COP1: variants seen among roughly 807,000 people sequenced by gnomAD.
COP1 encodes E3 ubiquitin-protein ligase COP1.
COP1 carries 24 observed loss-of-function variants against 101.3 expected under a neutral mutation model. The observed-to-expected ratio is 0.24, with a 90% CI of 0.17 to 0.33. The LOEUF (loss-of-function observed/expected upper bound fraction) is 0.33. Ranked by LOEUF, COP1 falls within the 10% of genes least tolerant of loss-of-function variation. The pLI is 1.00. For synonymous variants in COP1, 347 were observed against 341.9 expected (o/e 1.01, Z -0.17); for missense variants, 663 against 906.2 (o/e 0.73, Z 3.45).
intron 3 of COP1, 105 bp from the exon 4 acceptor site, chr1:176,163,996 T>C: frequency 1.6e-6 from 1 of 608,812 alleles, no homozygotes; most frequent in Non-Finnish European, 2.8e-6. Flanking sequence ...ATACATAGCC[T>C]CCAAATTCAA....
intron 18 of COP1, among the ~76,000 whole-genome samples, chr1:175,963,216 A>G (rs1651597502): frequency 6.6e-6 from 1 of 152,066 alleles, no homozygotes; most frequent in Non-Finnish European, 1.5e-5. Context: ...GGCTTTAGGC[A>G]TTTAATGCCT....
At chr1:176,006,214 C>T (rs1663162924) in intron 15 of COP1, among the ~76,000 whole-genome samples, 1 of 152,022 alleles carries the variant, frequency 6.6e-6, no homozygotes, top group Non-Finnish European at 1.5e-5. Flanking sequence ...GATCTTCCTC[C>T]ATCCTTTTAT....
At chr1:176,188,902 G>A (rs1431912698) in intron 1 of COP1, among the ~76,000 whole-genome samples, 1 of 151,780 alleles carries the variant, frequency 6.6e-6, no homozygotes, top group East Asian at 1.9e-4. Flanking sequence ...TATGTGAAAT[G>A]TTCTAACATA....
chr1:175,948,771 T>C (rs1649486745), intron 18 of COP1, among the ~76,000 whole-genome samples: 1 of 152,250 alleles, frequency 6.6e-6, no homozygotes, highest in East Asian at 1.9e-4. Flanking sequence ...GCATCAAAGA[T>C]TATAGGTGTA....
chr1:176,024,564 C>T (rs966208058), intron 15 of COP1, among the ~76,000 whole-genome samples: 8 of 152,224 alleles, frequency 5.3e-5, no homozygotes, highest in African/African-American at 9.6e-5. Flanking sequence ...ACGCTCTTCA[C>T]GTATGATAAA....
At chr1:176,126,414 T>C (rs1005159536) in intron 8 of COP1, among the ~76,000 whole-genome samples, 3 of 152,196 alleles carry the variant, frequency 2.0e-5, no homozygotes, top group African/African-American at 7.2e-5. Context: ...CATTGAAGGT[T>C]TTTATCATGA....
intron 11 of COP1, among the ~76,000 whole-genome samples, chr1:176,052,656 GAAA>G (rs1672768915): frequency 6.6e-6 from 1 of 151,964 alleles, no homozygotes; most frequent in Non-Finnish European, 1.5e-5. Context: ...AAAGTATACA[GAAA>G]AAAAGCAAGC....
chr1:176,003,409 A>G (rs973402860), intron 15 of COP1, among the ~76,000 whole-genome samples: 2 of 151,546 alleles, frequency 1.3e-5, no homozygotes, highest in African/African-American at 4.9e-5. Context: ...GGTGTTTTAG[A>G]CATGAAGTCC....
chr1:176,066,153 T>C (rs1337668848), intron 11 of COP1, among the ~76,000 whole-genome samples: 1 of 152,134 alleles, frequency 6.6e-6, no homozygotes, highest in Non-Finnish European at 1.5e-5. Flanking sequence ...AAGCTCAAAG[T>C]CCCTTTCCTT....
chr1:176,138,394 T>C (rs1229968236), intron 6 of COP1, among the ~76,000 whole-genome samples: 1 of 152,084 alleles, frequency 6.6e-6, no homozygotes, highest in Non-Finnish European at 1.5e-5. Flanking sequence ...ACAGTACCAT[T>C]GGAGAAATCA....
At chr1:175,968,403 A>G (rs1207257160) in intron 18 of COP1, 2 of 515,422 alleles carry the variant, frequency 3.9e-6, no homozygotes, top group Admixed American at 2.0e-5. Context: ...TAAAGGCTGT[A>G]CGGAGGGGAA....
chr1:176,088,191 C>T (rs1206249586), intron 9 of COP1, among the ~76,000 whole-genome samples: 1 of 151,692 alleles, frequency 6.6e-6, no homozygotes, highest in African/African-American at 2.4e-5. Flanking sequence ...CAACACGGCA[C>T]ATGTATACAT....
intron 5 of COP1, among the ~76,000 whole-genome samples, chr1:176,159,798 G>T (rs1193506485): frequency 6.6e-6 from 1 of 152,134 alleles, no homozygotes; most frequent in Non-Finnish European, 1.5e-5. Flanking sequence ...ACATGCTTGA[G>T]AAGGATTCTT....
Position 176,162,986 on chromosome 1 carries a change from A to G in COP1, c.645T>C (p.Asn215=). The change falls in exon 5 of 20, where the codon AAT becomes AAC. Residue 215 remains asparagine, a splice_region_variant and synonymous_variant. Transcript: ENST00000367669. ...CTTGAAATATCTGCCACCTGTGGCC[A>G]TTCTAAAAATGAAGAAAGAAGAAAC... ...FKLDHSVSST[N]GHRWQIFQDW... 6.3e-7 allele frequency: 1 copy of G among 1,591,692 alleles called. No homozygotes were observed. The highest frequency in any genetic ancestry group is 1.2e-5 in the South Asian group (1 of 85,006).
chr1:176,040,516 T>C (rs552995176), intron 14 of COP1, among the ~76,000 whole-genome samples: 1 of 152,160 alleles, frequency 6.6e-6, no homozygotes, highest in African/African-American at 2.4e-5. Context: ...CAGGGTCTCA[T>C]GCAGGCTGGT....
At chr1:176,159,269 T>C (rs1463298479) in intron 5 of COP1, among the ~76,000 whole-genome samples, 1 of 152,098 alleles carries the variant, frequency 6.6e-6, no homozygotes, top group Non-Finnish European at 1.5e-5. Context: ...AGGTAATTCA[T>C]CAAATAGAAA....
At chr1:176,134,262 G>T (rs1215062468) in intron 8 of COP1, among the ~76,000 whole-genome samples, 1 of 151,978 alleles carries the variant, frequency 6.6e-6, no homozygotes, top group Non-Finnish European at 1.5e-5. Flanking sequence ...CCTAAACAGA[G>T]AGTGGATTTA....
intron 11 of COP1, among the ~76,000 whole-genome samples, chr1:176,050,436 A>G (rs1185666586): frequency 1.3e-5 from 2 of 152,242 alleles, no homozygotes; most frequent in African/African-American, 4.8e-5. Context: ...ATTAACAAAC[A>G]TGGTGGATTA....
chr1:176,047,256 T>C (rs1010694971), intron 11 of COP1, among the ~76,000 whole-genome samples: 1 of 152,232 alleles, frequency 6.6e-6, no homozygotes, highest in African/African-American at 2.4e-5. Flanking sequence ...TAATACCTAA[T>C]ATTCATTAAT....
Sources: allele counts gnomAD v4.1 joint callset (sites outside exome capture counted in the v4.1 genomes callset), GRCh38; gene constraint gnomAD v4.1.1; transcripts MANE v1.5; gene names NCBI Gene and HGNC (gene_info 2026-07-23, HGNC 2026-07-21).